MAF: variants seen among roughly 807,000 people sequenced by gnomAD.
The protein encoded by MAF is MAF bZIP transcription factor, also known as transcription factor Maf.
In MAF, 10 loss-of-function variants were observed where a neutral mutation model predicts 22.0. That is an observed-to-expected ratio of 0.45 (90% CI 0.28 to 0.77). The LOEUF (loss-of-function observed/expected upper bound fraction) is 0.77, where lower values mean the gene tolerates loss of function less well. MAF is among the 30% of genes least tolerant of loss of function. The probability of loss-of-function intolerance (pLI) is 0.12; values close to 1 mark genes in which losing one functional copy is unlikely to be tolerated. For synonymous variants in MAF, 337 were observed against 255.8 expected (o/e 1.32, Z -3.03); for missense variants, 544 against 548.4 (o/e 0.99, Z 0.08).
At chr16:79,565,956 T>A in the MAF span, among the ~76,000 whole-genome samples, 1 of 152,164 alleles carries the variant, frequency 6.6e-6, no homozygotes, top group East Asian at 1.9e-4. Flanking sequence ...AGGACAAGGA[T>A]TGGACATCAA....
chr16:79,569,825 G>C, the MAF span, among the ~76,000 whole-genome samples: 10 of 152,330 alleles, frequency 6.6e-5, no homozygotes, highest in Admixed American at 5.2e-4. Context: ...CACCAACCTA[G>C]AGGGAGCTGT....
intron 1 of MAF, chr16:79,597,878 G>A (rs1480557908): frequency 9.7e-7 from 1 of 1,032,604 alleles, no homozygotes; most frequent in East Asian, 6.1e-5. Context: ...CTAAGACAAA[G>A]TAGCAAGCAT....
the MAF span, among the ~76,000 whole-genome samples, chr16:79,521,336 T>C: frequency 1.3e-5 from 2 of 152,260 alleles, no homozygotes; most frequent in South Asian, 2.1e-4. Context: ...GTTGGTTTAA[T>C]GGATGTTCCT....
At chr16:79,474,302 A>G in the MAF span, among the ~76,000 whole-genome samples, 9 of 152,218 alleles carry the variant, frequency 5.9e-5, no homozygotes. Context: ...GCCTGGTTGT[A>G]CTATTACCAT....
At chr16:79,254,938 G>C in the MAF span, among the ~76,000 whole-genome samples, 1 of 152,158 alleles carries the variant, frequency 6.6e-6, no homozygotes, top group African/African-American at 2.4e-5. Flanking sequence ...AATTCCAAGA[G>C]TCGAATCCCC....
chr16:79,598,913 G>C lies in MAF; in HGVS notation c.990C>G (p.Leu330=), dbSNP rs769189596. 5 of 1,613,756 alleles carry C rather than the reference G, an allele frequency of 3.1e-6. No homozygotes were observed. The highest frequency in any genetic ancestry group is 3.3e-5 in the Admixed American group (2 of 60,000). Residue 330 remains leucine, a synonymous_variant, in exon 1 of 2, where the codon CTC becomes CTG. Transcript: ENST00000326043. ...GCACCAGCCTGGAGATCTCCTGCTTGAGGTGGTCGACTTGCTGCAGCAGCT... is the reference window on the plus strand; with the variant it reads ...GCACCAGCCTGGAGATCTCCTGCTTCAGGTGGTCGACTTGCTGCAGCAGCT... ...KNQLLQQVDH[L]KQEISRLVRE...
chr16:79,587,823 G>C lies in MAF; in HGVS notation c.1119-1882C>G, dbSNP rs1912939766. Among the ~76,000 whole-genome samples the C allele has an allele frequency of 6.2e-5, 9 of 144,978 alleles. No individual in the cohort carries two copies. The Admixed American group carries it at 6.2e-4, about 10-fold the overall frequency. ...TTCTTCAAGATGACCTCTACTCTCT[G>C]GCCATCTGGGGAAACCACCCTGTTA... is the stretch of plus-strand genomic sequence containing the variant. On this transcript the variant is annotated intron_variant, in intron 1 of 1. Coordinates refer to the MAF transcript ENST00000569649.
At chr16:79,569,893 C>T in the MAF span, among the ~76,000 whole-genome samples, 37,802 of 151,982 alleles carry the variant, frequency 0.25, 5,583 homozygotes, top group Non-Finnish European at 0.34. Flanking sequence ...AAACAATTGA[C>T]GTTGGCTTCA....
the MAF span, chr16:79,211,691 C>T: frequency 3.7e-6 from 6 of 1,614,230 alleles, no homozygotes; most frequent in African/African-American, 4.0e-5. Context: ...ACAACTGCTG[C>T]CGCTGCATGC....
At chr16:79,383,660 T>C in the MAF span, among the ~76,000 whole-genome samples, 2 of 152,210 alleles carry the variant, frequency 1.3e-5, no homozygotes, top group African/African-American at 2.4e-5. Flanking sequence ...ATTTTTATTA[T>C]TATTTTTATT....
chr16:79,224,281 G>T, the MAF span, among the ~76,000 whole-genome samples: 1 of 152,182 alleles, frequency 6.6e-6, no homozygotes, highest in Non-Finnish European at 1.5e-5. Context: ...CGCAATAGAT[G>T]CAGAAAAGGC....
the MAF span, among the ~76,000 whole-genome samples, chr16:79,276,306 T>A: frequency 6.6e-6 from 1 of 152,202 alleles, no homozygotes; most frequent in Non-Finnish European, 1.5e-5. Context: ...AATAAATGTT[T>A]GCAGCAGGCC....
the MAF span, among the ~76,000 whole-genome samples, chr16:79,404,865 C>T: frequency 4.6e-5 from 7 of 152,146 alleles, no homozygotes; most frequent in African/African-American, 9.7e-5. Flanking sequence ...CATTACAAAT[C>T]GCTCCCCTCC....
At chr16:79,595,962 T>G (rs905057210) in intron 1 of MAF, 2 of 1,061,006 alleles carry the variant, frequency 1.9e-6, no homozygotes, top group Non-Finnish European at 2.3e-6. Flanking sequence ...TGATTTGTCA[T>G]GTTTATGTTA....
chr16:79,466,541 A>G, the MAF span, among the ~76,000 whole-genome samples: 3 of 152,236 alleles, frequency 2.0e-5, no homozygotes, highest in South Asian at 2.1e-4. Flanking sequence ...GAGATCCCGG[A>G]GGCAAACTTT....
At chr16:79,258,731 G>T in the MAF span, among the ~76,000 whole-genome samples, 552 of 152,308 alleles carry the variant, frequency 3.6e-3, 2 homozygotes, top group Non-Finnish European at 6.8e-3. Flanking sequence ...TTGAACTTCT[G>T]TGATCTAAAT....
At chr16:79,221,269 CTCT>C in the MAF span, among the ~76,000 whole-genome samples, 4 of 152,284 alleles carry the variant, frequency 2.6e-5, no homozygotes, top group East Asian at 1.9e-4. Context: ...TGGCTTTGTG[CTCT>C]TCTTATTATT....
the MAF span, among the ~76,000 whole-genome samples, chr16:79,565,765 TTATTAG>T: frequency 1.4e-4 from 21 of 152,212 alleles, no homozygotes; most frequent in Admixed American, 1.4e-3. Context: ...AGGTATGTGT[TTATTAG>T]TATAAGAATG....
At chr16:79,452,551 A>G in the MAF span, among the ~76,000 whole-genome samples, 1 of 152,276 alleles carries the variant, frequency 6.6e-6, no homozygotes, top group South Asian at 2.1e-4. Context: ...ACTTTTTTTC[A>G]GTAAAATTTA....
Sources: allele counts gnomAD v4.1 joint callset (sites outside exome capture counted in the v4.1 genomes callset), GRCh38; gene constraint gnomAD v4.1.1; transcripts MANE v1.5; gene names NCBI Gene and HGNC (gene_info 2026-07-23, HGNC 2026-07-21).